Variants in TAS1R2 observed in about 807,000 individuals in gnomAD.
The protein encoded by TAS1R2 is taste receptor type 1 member 2.
In TAS1R2, 47 loss-of-function variants were observed where a neutral mutation model predicts 49.3. The observed-to-expected ratio is 0.95, with a 90% CI of 0.75 to 1.22. The LOEUF (loss-of-function observed/expected upper bound fraction) is 1.22, where lower values mean the gene tolerates loss of function less well. Ranked by LOEUF, TAS1R2 falls within the 50% of genes most tolerant of loss-of-function variation. TAS1R2 has a pLI of 0.00. For synonymous variants in TAS1R2, 479 were observed against 467.9 expected (o/e 1.02, Z -0.31); for missense variants, 1,155 against 1,122.1 (o/e 1.03, Z -0.42).
At chr1:18,851,811 T>G (rs532023353) in intron 3 of TAS1R2, among the ~76,000 whole-genome samples, 17 of 152,172 alleles carry the variant, frequency 1.1e-4, no homozygotes, top group African/African-American at 4.1e-4. Context: ...GGGGTGCCCA[T>G]CCCCACTACC....
In TAS1R2 at chr1:18,849,439, G is replaced by A. The variant is rs145389646; in HGVS notation, c.1369C>T (p.Arg457Trp). The change falls in exon 4 of 6, where the codon CGG (arginine) becomes TGG (tryptophan). Residue 457 changes from arginine to tryptophan, a missense_variant. By Grantham distance (101) the Arg-to-Trp change is moderately radical (BLOSUM62 -3). Transcript: ENST00000375371. ...ACGCTCTGGAAGGGATTCTGGCTCC[G>A]GTCCCATTGCCACTGGACAATCTCC... 7.5e-5 allele frequency: 121 copies of A among 1,614,226 alleles called. No homozygotes were observed. Among genetic ancestry groups the A allele is most frequent in the South Asian group, 2.1e-4 (19 of 91,086 alleles).
intron 4 of TAS1R2, among the ~76,000 whole-genome samples, chr1:18,846,108 A>G (rs1933916241): frequency 6.6e-6 from 1 of 152,260 alleles, no homozygotes; most frequent in Non-Finnish European, 1.5e-5. Flanking sequence ...TATTCCAGCC[A>G]TTGCTGCAGT....
chr1:18,841,195 T>C (rs1199411078), intron 5 of TAS1R2, among the ~76,000 whole-genome samples: 2 of 152,258 alleles, frequency 1.3e-5, no homozygotes, highest in African/African-American at 4.8e-5. Flanking sequence ...GATGACGTTG[T>C]CTGCATGTTC....
At chr1:18,852,326 G>A (rs1417446527) in intron 3 of TAS1R2, among the ~76,000 whole-genome samples, 2 of 152,218 alleles carry the variant, frequency 1.3e-5, no homozygotes, top group South Asian at 2.1e-4. Flanking sequence ...GGACAACTGG[G>A]AGGAACAGCT....
chr1:18,840,579 G>C, intron 5 of TAS1R2, 52 bp from the exon 6 acceptor site: 1 of 1,595,212 alleles, frequency 6.3e-7, no homozygotes. Flanking sequence ...CCAAGCACCT[G>C]CATCCTCCCA....
chr1:18,843,122 G>C (rs543582348), intron 4 of TAS1R2, among the ~76,000 whole-genome samples: 1 of 152,268 alleles, frequency 6.6e-6, no homozygotes, highest in East Asian at 1.9e-4. Context: ...TCTTATCGTA[G>C]AGTTTACTCT....
intron 4 of TAS1R2, among the ~76,000 whole-genome samples, chr1:18,848,757 G>T (rs1425918517): frequency 6.6e-6 from 1 of 152,164 alleles, no homozygotes; most frequent in Admixed American, 6.5e-5. Flanking sequence ...CACTCCTTAT[G>T]AGAATCTAAT....
chr1:18,858,325 A>G (rs1446494636), intron 1 of TAS1R2: 1 of 148,090 alleles, frequency 6.8e-6, no homozygotes, highest in African/African-American at 2.5e-5. Flanking sequence ...ACCATCACCA[A>G]CACCATCACT....
In TAS1R2 at chr1:18,859,038, C is replaced by G. The variant is rs1173613071; in HGVS notation, c.182+441G>C. Among the ~76,000 whole-genome samples, 3 of 152,246 alleles carry G rather than the reference C, an allele frequency of 2.0e-5. No individual in the cohort carries two copies. In the East Asian group the frequency reaches 5.8e-4, roughly 29 times the overall value. On this transcript the variant is annotated intron_variant, in intron 1 of 5. Transcript: ENST00000375371. ...GAGGAGGTGGGGGAAGAGGAACTTC[C>G]CTCTCGGCCCAAAAGCACCCCTACC... is the stretch of plus-strand genomic sequence containing the variant.
intron 4 of TAS1R2, among the ~76,000 whole-genome samples, chr1:18,842,471 C>A (rs2100507479): frequency 6.6e-6 from 1 of 152,256 alleles, no homozygotes; most frequent in Non-Finnish European, 1.5e-5. Context: ...AAATAGTAAG[C>A]ATAGTTTTAA....
At chr1:18,855,906 T>G (rs1934130566) in intron 2 of TAS1R2, among the ~76,000 whole-genome samples, 2 of 152,192 alleles carry the variant, frequency 1.3e-5, no homozygotes, top group African/African-American at 4.8e-5. Flanking sequence ...TTAAAATGTA[T>G]CCATCCAGTG....
At chr1:18,858,544 C>G (rs966093357) in intron 1 of TAS1R2, 1 of 152,172 alleles carries the variant, frequency 6.6e-6, no homozygotes, top group Non-Finnish European at 1.5e-5. Context: ...ACTATTACCA[C>G]CACTGCCATC....
At chr1:18,843,867 T>C (rs919910018) in intron 4 of TAS1R2, among the ~76,000 whole-genome samples, 13 of 152,190 alleles carry the variant, frequency 8.5e-5, no homozygotes. Context: ...AAAACAAGTC[T>C]TCATATAAGG....
At chr1:18,850,715 C>T (rs1417901303) in intron 3 of TAS1R2, among the ~76,000 whole-genome samples, 3 of 152,264 alleles carry the variant, frequency 2.0e-5, no homozygotes, top group Non-Finnish European at 4.4e-5. Flanking sequence ...TGTAATTGTC[C>T]TGAGTGGGTG....
At chr1:18,858,906 G>T (rs1934189447) in intron 1 of TAS1R2, among the ~76,000 whole-genome samples, 1 of 152,124 alleles carries the variant, frequency 6.6e-6, no homozygotes, top group African/African-American at 2.4e-5. Flanking sequence ...TCTGCAAGAG[G>T]TCACTCTTTT....
At chr1:18,842,033 G>A (rs1342367589) in intron 4 of TAS1R2, among the ~76,000 whole-genome samples, 181 bp from the exon 5 acceptor site, 9 of 151,628 alleles carry the variant, frequency 5.9e-5, no homozygotes, top group African/African-American at 2.2e-4. Flanking sequence ...AAGGAAAGCA[G>A]CCATTCTGAA....
chr1:18,848,207 C>G (rs1351302176), intron 4 of TAS1R2, among the ~76,000 whole-genome samples: 1 of 152,152 alleles, frequency 6.6e-6, no homozygotes, highest in African/African-American at 2.4e-5. Flanking sequence ...ACCTCCACCA[C>G]AGACTAGCTG....
chr1:18,839,883 C>T (rs368636486), exon 6 of TAS1R2: 133 of 1,614,072 alleles, frequency 8.2e-5, no homozygotes, highest in South Asian at 2.0e-4. Context: ...CCCATGTAGG[C>T]GAAGCTGAAA....
At chr1:18,849,013 G>T (rs193143520) in intron 4 of TAS1R2, among the ~76,000 whole-genome samples, 11 of 152,160 alleles carry the variant, frequency 7.2e-5, no homozygotes, top group African/African-American at 2.2e-4. Context: ...AGTCCCTGGC[G>T]CCAAAAAGGT....
Sources: allele counts gnomAD v4.1 joint callset (sites outside exome capture counted in the v4.1 genomes callset), GRCh38; gene constraint gnomAD v4.1.1; transcripts MANE v1.5; gene names NCBI Gene and HGNC (gene_info 2026-07-23, HGNC 2026-07-21).